METTL15: variants seen among roughly 807,000 people sequenced by gnomAD.
The protein encoded by METTL15 is 12S rRNA N(4)-cytidine methyltransferase METTL15.
METTL15 carries 34 observed loss-of-function variants against 38.3 expected under a neutral mutation model. That is an observed-to-expected ratio of 0.89 (90% CI 0.68 to 1.18). The LOEUF is 1.18. Among genes scored for constraint, METTL15 ranks in the 50% most tolerant of loss-of-function variants. The pLI, the probability that METTL15 is intolerant of heterozygous loss-of-function variation, is 0.00. For missense variants in METTL15, 438 were observed against 498.4 expected (o/e 0.88, Z 1.15); for synonymous variants, 162 against 170.9 (o/e 0.95, Z 0.41).
chr11:28,415,732 A>T (rs528641155), intron 5 of METTL15, among the ~76,000 whole-genome samples: 13 of 152,230 alleles, frequency 8.5e-5, no homozygotes, highest in Non-Finnish European at 1.8e-4. Context: ...CCTTGAGCTG[A>T]TATAGACTTA....
chr11:28,441,918 A>G (rs1027241883), intron 6 of METTL15, among the ~76,000 whole-genome samples: 5 of 152,206 alleles, frequency 3.3e-5, no homozygotes, highest in Non-Finnish European at 4.4e-5. Flanking sequence ...GCCTTCAAAC[A>G]TAGCTTATGG....
At chr11:28,281,201 G>A (rs1188468186) in intron 4 of METTL15, among the ~76,000 whole-genome samples, 3 of 152,130 alleles carry the variant, frequency 2.0e-5, no homozygotes, top group East Asian at 1.9e-4. Context: ...GAGTTGATTG[G>A]AAACTGAATT....
At chr11:28,463,724 G>T (rs1402007887) in intron 6 of METTL15, among the ~76,000 whole-genome samples, 1 of 151,550 alleles carries the variant, frequency 6.6e-6, no homozygotes, top group East Asian at 1.9e-4. Context: ...CACAAAAGAT[G>T]ATTTCTTATG....
intron 6 of METTL15, among the ~76,000 whole-genome samples, chr11:28,520,833 A>G (rs1057319110): frequency 5.7e-4 from 87 of 152,364 alleles, no homozygotes; most frequent in African/African-American, 2.0e-3. Context: ...TCAATTAACT[A>G]GGCTAACAGG....
intron 5 of METTL15, among the ~76,000 whole-genome samples, chr11:28,373,832 C>G (rs988494941): frequency 7.2e-5 from 11 of 151,964 alleles, no homozygotes; most frequent in African/African-American, 2.7e-4. Context: ...CATCTTGAAT[C>G]GATTTTTGTA....
intron 4 of METTL15, among the ~76,000 whole-genome samples, chr11:28,225,126 TCTTA>T (rs770094110): frequency 1.9e-4 from 29 of 151,914 alleles, no homozygotes; most frequent in Non-Finnish European, 4.0e-4. Context: ...TCTTCTGCTA[TCTTA>T]CTTCTTGGCT....
intron 5 of METTL15, among the ~76,000 whole-genome samples, chr11:28,293,664 G>A (rs887227652): frequency 2.0e-5 from 3 of 151,098 alleles, no homozygotes; most frequent in African/African-American, 7.3e-5. Context: ...CCATTTTCAC[G>A]ATATTGATTC....
At chr11:28,457,676 G>A (rs576167079) in intron 6 of METTL15, among the ~76,000 whole-genome samples, 4 of 152,198 alleles carry the variant, frequency 2.6e-5, no homozygotes, top group Admixed American at 6.5e-5. Flanking sequence ...ACAGCCACCT[G>A]CAGAGCTGAG....
intron 3 of METTL15, among the ~76,000 whole-genome samples, chr11:28,194,178 C>CTTTCTTTCTTTCTTTCTT (rs1373046857): frequency 4.9e-4 from 6 of 12,262 alleles, no homozygotes; most frequent in East Asian, 9.0e-3. Flanking sequence ...CTTTCTTTTT[C>CTTTCTTTCTTTCTTTCTT]TCTCTCTCTC....
intron 3 of METTL15, among the ~76,000 whole-genome samples, chr11:28,177,178 G>A (rs1445911575): frequency 6.6e-6 from 1 of 151,916 alleles, no homozygotes; most frequent in Non-Finnish European, 1.5e-5. Flanking sequence ...TATATTTGAA[G>A]TTTGAAAATA....
chr11:28,294,458 G>A (rs756878679), intron 5 of METTL15, among the ~76,000 whole-genome samples: 5 of 152,114 alleles, frequency 3.3e-5, no homozygotes, highest in African/African-American at 1.2e-4. Flanking sequence ...TTAAAACATA[G>A]TTTATTCTCT....
intron 3 of METTL15, among the ~76,000 whole-genome samples, chr11:28,191,128 G>T (rs1851684846): frequency 6.6e-6 from 1 of 151,140 alleles, no homozygotes; most frequent in South Asian, 2.1e-4. Context: ...AATGGAACTG[G>T]CATGAATGAT....
At chr11:28,378,613 C>G (rs1281406992) in intron 5 of METTL15, among the ~76,000 whole-genome samples, 1 of 152,202 alleles carries the variant, frequency 6.6e-6, no homozygotes, top group Non-Finnish European at 1.5e-5. Flanking sequence ...AATCACCCTT[C>G]TTCTGCGTCG....
chr11:28,382,762 G>A (rs763389900), intron 5 of METTL15, among the ~76,000 whole-genome samples: 42 of 151,970 alleles, frequency 2.8e-4, no homozygotes, highest in South Asian at 1.2e-3. Context: ...TTGAACCCAG[G>A]AGGCAGAGGT....
At chr11:28,432,077 G>T (rs1218566078) in intron 6 of METTL15, among the ~76,000 whole-genome samples, 1 of 152,154 alleles carries the variant, frequency 6.6e-6, no homozygotes, top group Non-Finnish European at 1.5e-5. Flanking sequence ...AATCTTCTGT[G>T]ACTTGGACTC....
Position 28,327,136 on chromosome 11 carries a change from A to G in METTL15, c.779-3260A>G, listed in dbSNP as rs557605321. Among the ~76,000 whole-genome samples, 4 of 152,224 alleles carry G rather than the reference A, an allele frequency of 2.6e-5. No homozygotes were observed. The South Asian group carries it at 8.3e-4, about 32-fold the overall frequency. On this transcript the variant is annotated intron_variant, in intron 6 of 6. Transcript: ENST00000407364. ...AGAGAAGTACCAAAAAAGCTCCACA[A>G]AACACATTGCTCATTGCAGACCTCT...
At chr11:28,241,964 G>A (rs372349284) in intron 4 of METTL15, among the ~76,000 whole-genome samples, 1 of 152,192 alleles carries the variant, frequency 6.6e-6, no homozygotes, top group East Asian at 1.9e-4. Flanking sequence ...AGAGTTTTCA[G>A]TGAGTGACAT....
intron 4 of METTL15, among the ~76,000 whole-genome samples, chr11:28,256,637 T>C (rs139765118): frequency 4.5e-3 from 679 of 152,214 alleles, no homozygotes; most frequent in Admixed American, 6.7e-3. Flanking sequence ...TTATGTAACT[T>C]TTCAAAAAAC....
chr11:28,345,265 T>C (rs1849986635), intron 3 of METTL15, among the ~76,000 whole-genome samples: 1 of 152,218 alleles, frequency 6.6e-6, no homozygotes, highest in Non-Finnish European at 1.5e-5. Context: ...CTCGGCCTAC[T>C]GCAACCTCCA....
Sources: gnomAD v4.1 joint callset for allele counts (sites outside exome capture counted in the v4.1 genomes callset) on GRCh38, gnomAD v4.1.1 for gene constraint, MANE v1.5 for transcripts, NCBI Gene and HGNC (gene_info 2026-07-23, HGNC 2026-07-21) for gene names.